MTSS1: variants seen among roughly 807,000 people sequenced by gnomAD.
The protein encoded by MTSS1 is protein MTSS 1.
In MTSS1, 18 loss-of-function variants were observed where a neutral mutation model predicts 79.0. That is an observed-to-expected ratio of 0.23 (90% CI 0.16 to 0.34). The LOEUF (loss-of-function observed/expected upper bound fraction) is 0.34. Among genes scored for constraint, MTSS1 ranks in the 10% least tolerant of loss-of-function variants. MTSS1 has a pLI of 1.00. For missense variants in MTSS1, 815 were observed against 986.2 expected (o/e 0.83, Z 2.33); for synonymous variants, 341 against 368.6 (o/e 0.93, Z 0.86).
chr8:124,645,707 T>C (rs1818882932), intron 3 of MTSS1, among the ~76,000 whole-genome samples: 1 of 152,182 alleles, frequency 6.6e-6, no homozygotes, highest in African/African-American at 2.4e-5. Flanking sequence ...CTCCAACCTT[T>C]GACTTAAACC....
chr8:124,725,524 T>A (rs948883034), intron 1 of MTSS1, among the ~76,000 whole-genome samples: 42 of 152,294 alleles, frequency 2.8e-4, no homozygotes, highest in African/African-American at 9.6e-4. Context: ...CAAGATGGCA[T>A]TCCAAATGGG....
At chr8:124,607,876 A>G (rs113149480) in intron 3 of MTSS1, among the ~76,000 whole-genome samples, 1 of 152,068 alleles carries the variant, frequency 6.6e-6, no homozygotes, top group Admixed American at 6.5e-5. Context: ...TCTACAGAAA[A>G]GGGGGGGCTT....
At chr8:124,641,513 C>T (rs1370727527) in intron 3 of MTSS1, among the ~76,000 whole-genome samples, 1 of 152,166 alleles carries the variant, frequency 6.6e-6, no homozygotes, top group Non-Finnish European at 1.5e-5. Flanking sequence ...ATGGAAAGTG[C>T]CCAGCCCAGG....
In MTSS1 at chr8:124,671,264, C is replaced by T. The variant is rs571437084; in HGVS notation, c.208+28262G>A. 1.6e-4 allele frequency among the ~76,000 whole-genome samples: 24 copies of T among 152,174 alleles called. No homozygotes were observed. The South Asian group carries it at 4.4e-3, about 28-fold the overall frequency. On this transcript the variant is annotated intron_variant, in intron 3 of 13. Transcript: ENST00000518547. ...CAAATCCTCACCTGACCTCATGACC[C>T]GCACCAACCTTCTTTCTCCCATTGC...
chr8:124,568,789 T>C, intron 6 of MTSS1: 2 of 1,448,340 alleles, frequency 1.4e-6, no homozygotes, highest in Non-Finnish European at 1.8e-6. Context: ...CAACTCTTCA[T>C]GACTTGCCTT....
At chr8:124,633,520 C>T (rs1816409047) in intron 3 of MTSS1, among the ~76,000 whole-genome samples, 1 of 152,088 alleles carries the variant, frequency 6.6e-6, no homozygotes, top group Non-Finnish European at 1.5e-5. Context: ...CTTGTAATCC[C>T]CGCACTTTGG....
At chr8:124,633,529 G>A (rs1251654557) in intron 3 of MTSS1, among the ~76,000 whole-genome samples, 1 of 152,146 alleles carries the variant, frequency 6.6e-6, no homozygotes, top group African/African-American at 2.4e-5. Flanking sequence ...CCCGCACTTT[G>A]GGAGGTCGAG....
At chr8:124,720,897 C>T (rs1261416021) in intron 1 of MTSS1, among the ~76,000 whole-genome samples, 1 of 152,220 alleles carries the variant, frequency 6.6e-6, no homozygotes, top group Non-Finnish European at 1.5e-5. Context: ...CCTCCAACAA[C>T]TCTTATCAGG....
At chr8:124,606,359 G>T (rs1834883351) in intron 3 of MTSS1, among the ~76,000 whole-genome samples, 1 of 151,756 alleles carries the variant, frequency 6.6e-6, no homozygotes, top group Non-Finnish European at 1.5e-5. Context: ...GTGTTGGCCA[G>T]GCTGGTCTCA....
In MTSS1 at chr8:124,553,184, T is replaced by C. The variant is rs1347769626; in HGVS notation, c.2076A>G (p.Glu692=). ...IPEEHRQAIP[E]SEAEDQEREP... is the part of the protein sequence containing the mutation. ...CCCGTTCCTGGTCTTCAGCTTCACTTTCTGGAATTGCCTGTCTGTGCTCCT... is the reference window on the plus strand; with the variant it reads ...CCCGTTCCTGGTCTTCAGCTTCACTCTCTGGAATTGCCTGTCTGTGCTCCT... Residue 692 remains glutamate (E), a synonymous_variant, in exon 14 of 14, where the codon GAA becomes GAG. Coordinates refer to ENST00000518547, the MANE Select transcript of MTSS1 (RefSeq NM_014751.6). The surrounding 1 kb of genome is among the most constrained non-coding windows in gnomAD (Gnocchi z 6.0). The C allele has an allele frequency of 6.2e-7, 1 of 1,613,996 alleles. No homozygotes were observed. Among genetic ancestry groups the C allele is most frequent in the Non-Finnish European group, 8.5e-7 (1 of 1,180,034 alleles).
At chr8:124,656,560 T>C (rs1267524208) in intron 3 of MTSS1, among the ~76,000 whole-genome samples, 1 of 150,114 alleles carries the variant, frequency 6.7e-6, no homozygotes, top group Non-Finnish European at 1.5e-5. Flanking sequence ...TCACTTGAGG[T>C]CAGGAGTTCA....
intron 3 of MTSS1, among the ~76,000 whole-genome samples, chr8:124,629,371 GC>G (rs1171722153): frequency 6.6e-6 from 1 of 151,654 alleles, no homozygotes; most frequent in Non-Finnish European, 1.5e-5. Flanking sequence ...CAAAAAATTA[GC>G]CAGGTGTGGT....
At position 124,556,666 on chromosome 8, in the gene MTSS1, G is replaced by A. The variant is rs1823880680; in HGVS notation, c.1231-261C>T. On this transcript the variant is annotated intron_variant, in intron 11 of 13. Transcript: ENST00000518547. ...ACCCTCACCCACCAGGTGGCAGCAG[G>A]AGACCCGGCAGCCACCTAACAGGTG... The A allele has an allele frequency of 8.0e-6, 4 of 499,570 alleles. No individual in the cohort carries two copies. In the South Asian group the frequency reaches 8.2e-5, roughly 10 times the overall value. The allele number at this position is 499,570 out of a possible 1,614,324, so 30.9% of individuals were successfully genotyped here.
chr8:124,577,709 G>A, intron 6 of MTSS1: 1 of 491,180 alleles, frequency 2.0e-6, no homozygotes, highest in African/African-American at 1.9e-5. Flanking sequence ...TCTAAGCCCT[G>A]GGCTTAGCCT....
chr8:124,565,653 T>C lies in MTSS1; in HGVS notation c.824+9A>G. On this transcript the variant is annotated intron_variant, in intron 9 of 13. Coordinates refer to ENST00000518547, the MANE Select transcript of MTSS1 (RefSeq NM_014751.6). ...CCTGAAAGCAAGAGTGGACCCCGGC[T>C]TCACTCACCTGCAGACACTGGACTT... 1.2e-6 allele frequency: 2 copies of C among 1,611,846 alleles called. No individual in the cohort carries two copies. The highest frequency in any genetic ancestry group is 1.7e-6 in the Non-Finnish European group (2 of 1,177,944).
chr8:124,570,272 G>A (rs1395761865), intron 6 of MTSS1, among the ~76,000 whole-genome samples: 2 of 152,150 alleles, frequency 1.3e-5, no homozygotes, highest in Non-Finnish European at 2.9e-5. Context: ...GGACAGCTTT[G>A]TGTATATAAC....
chr8:124,641,091 C>T (rs1193684105), intron 3 of MTSS1, among the ~76,000 whole-genome samples: 4 of 151,116 alleles, frequency 2.6e-5, no homozygotes, highest in South Asian at 4.2e-4. Context: ...GGGGAAAACC[C>T]GCAACTGATC....
intron 3 of MTSS1, among the ~76,000 whole-genome samples, chr8:124,646,795 A>C (rs368133827): frequency 5.3e-5 from 8 of 152,012 alleles, no homozygotes; most frequent in African/African-American, 1.9e-4. Context: ...TCATGGTTAA[A>C]AAAAAAAAAT....
chr8:124,706,129 C>T (rs1830353983), intron 1 of MTSS1, among the ~76,000 whole-genome samples: 1 of 152,192 alleles, frequency 6.6e-6, no homozygotes, highest in African/African-American at 2.4e-5. Context: ...ACAAGGAGCA[C>T]TCATTATAAC....
Sources: gnomAD v4.1 joint callset for allele counts (sites outside exome capture counted in the v4.1 genomes callset) on GRCh38, gnomAD v4.1.1 for gene constraint, Gnocchi (gnomAD v3.1) non-coding constraint, MANE v1.5 for transcripts, NCBI Gene and HGNC (gene_info 2026-07-23, HGNC 2026-07-21) for gene names.